Variants in SPAG16 observed in about 807,000 individuals in gnomAD.
The protein encoded by SPAG16 is sperm associated antigen 16.
A neutral mutation model predicts 80.4 loss-of-function variants in SPAG16; 86 were observed. That is an observed-to-expected ratio of 1.07 (90% confidence interval 0.90 to 1.28). The LOEUF is 1.28. Ranked by LOEUF, SPAG16 falls within the 50% of genes most tolerant of loss-of-function variation. The pLI is 0.00. For missense variants in SPAG16, 870 were observed against 765.3 expected (o/e 1.14, Z -1.61); for synonymous variants, 294 against 265.9 (o/e 1.11, Z -1.03).
At chr2:213,749,812 G>A (rs1367324869) in intron 10 of SPAG16, among the ~76,000 whole-genome samples, 1 of 151,992 alleles carries the variant, frequency 6.6e-6, no homozygotes, top group African/African-American at 2.4e-5. Flanking sequence ...TAAAGACTGA[G>A]TTTTCTCTTG....
At chr2:214,338,907 C>T (rs1167547134) in intron 15 of SPAG16, among the ~76,000 whole-genome samples, 1 of 152,120 alleles carries the variant, frequency 6.6e-6, no homozygotes, top group African/African-American at 2.4e-5. Flanking sequence ...GTTACATCAG[C>T]TATGTATTTT....
At chr2:213,688,750 A>G (rs1293947714) in intron 10 of SPAG16, among the ~76,000 whole-genome samples, 1 of 151,616 alleles carries the variant, frequency 6.6e-6, no homozygotes, top group Non-Finnish European at 1.5e-5. Context: ...TTTTTTTTTC[A>G]GTTTGTATTG....
intron 13 of SPAG16, among the ~76,000 whole-genome samples, chr2:214,094,911 A>G (rs1173329242): frequency 6.6e-6 from 1 of 152,012 alleles, no homozygotes; most frequent in Non-Finnish European, 1.5e-5. Context: ...CTAGTTAGGT[A>G]GCCGGTTTCT....
At chr2:213,733,903 C>A (rs998388437) in intron 10 of SPAG16, among the ~76,000 whole-genome samples, 8 of 152,112 alleles carry the variant, frequency 5.3e-5, no homozygotes, top group Non-Finnish European at 2.9e-5. Flanking sequence ...GAGTTAAAAC[C>A]AGAAGTCCTT....
chr2:213,917,793 T>C (rs2078037480), intron 11 of SPAG16, among the ~76,000 whole-genome samples: 1 of 152,154 alleles, frequency 6.6e-6, no homozygotes, highest in African/African-American at 2.4e-5. Context: ...TTGCTATGGC[T>C]GGAACTTTGA....
chr2:213,965,828 C>G (rs1326793263), intron 12 of SPAG16, among the ~76,000 whole-genome samples: 1 of 152,220 alleles, frequency 6.6e-6, no homozygotes, highest in Non-Finnish European at 1.5e-5. Context: ...GTCTGCACTA[C>G]TTCTCCGAAG....
At chr2:213,300,426 T>A (rs2062694231) in intron 3 of SPAG16, among the ~76,000 whole-genome samples, 2 of 152,208 alleles carry the variant, frequency 1.3e-5, no homozygotes, top group South Asian at 4.1e-4. Flanking sequence ...TTGTGGGAGA[T>A]CTTTTGGGGT....
intron 10 of SPAG16, among the ~76,000 whole-genome samples, chr2:213,645,954 G>A (rs904159582): frequency 4.6e-5 from 7 of 152,214 alleles, no homozygotes; most frequent in African/African-American, 1.4e-4. Flanking sequence ...TTCTCCTCAG[G>A]CTGGGGCTGG....
intron 15 of SPAG16, among the ~76,000 whole-genome samples, chr2:214,282,645 T>C (rs1693040831): frequency 6.6e-6 from 1 of 152,182 alleles, no homozygotes; most frequent in African/African-American, 2.4e-5. Context: ...TGATTAATTT[T>C]TTTCTACAAT....
At chr2:213,686,200 C>T (rs2064661758) in intron 10 of SPAG16, among the ~76,000 whole-genome samples, 1 of 152,172 alleles carries the variant, frequency 6.6e-6, no homozygotes. Flanking sequence ...CTCACTTCAA[C>T]CTCTGCCTCC....
chr2:213,794,279 G>A (rs1343620916), intron 10 of SPAG16, among the ~76,000 whole-genome samples: 3 of 149,854 alleles, frequency 2.0e-5, no homozygotes, highest in African/African-American at 7.6e-5. Flanking sequence ...AGTTTTTTCT[G>A]TATGAGTTTA....
chr2:213,797,000 T>C (rs1473675480), intron 10 of SPAG16, among the ~76,000 whole-genome samples: 1 of 151,812 alleles, frequency 6.6e-6, no homozygotes, highest in Non-Finnish European at 1.5e-5. Context: ...ACACGCTGTG[T>C]AGGCCTGAGC....
intron 13 of SPAG16, among the ~76,000 whole-genome samples, chr2:214,068,916 C>G (rs1559755646): frequency 6.6e-6 from 1 of 152,016 alleles, no homozygotes; most frequent in African/African-American, 2.4e-5. Flanking sequence ...AAGAATAATA[C>G]TTTATTCCCT....
At chr2:214,047,578 C>A (rs1018824793) in intron 13 of SPAG16, among the ~76,000 whole-genome samples, 4 of 152,148 alleles carry the variant, frequency 2.6e-5, no homozygotes. Flanking sequence ...AGACTTCGAA[C>A]AATGAAACTA....
At chr2:214,261,482 A>T (rs868839073) in intron 15 of SPAG16, among the ~76,000 whole-genome samples, 1 of 152,174 alleles carries the variant, frequency 6.6e-6, no homozygotes, top group African/African-American at 2.4e-5. Context: ...TTGCTTTCTG[A>T]AAGTGTGGAT....
chr2:213,948,537 G>T (rs1045991217), intron 12 of SPAG16, among the ~76,000 whole-genome samples: 1 of 152,142 alleles, frequency 6.6e-6, no homozygotes, highest in African/African-American at 2.4e-5. Flanking sequence ...TTTGCTGGTG[G>T]TTTAGGAATA....
chr2:213,919,709 CATT>C (rs1267380860), intron 11 of SPAG16, among the ~76,000 whole-genome samples: 1 of 152,066 alleles, frequency 6.6e-6, no homozygotes, highest in Non-Finnish European at 1.5e-5. Context: ...TTCTGTGTCT[CATT>C]ATGTGGTAGA....
chr2:214,191,713 C>CA (rs71037350), intron 15 of SPAG16, among the ~76,000 whole-genome samples: 150 of 68,368 alleles, frequency 2.2e-3, no homozygotes, highest in African/African-American at 9.8e-3. Context: ...GACTCTGTCT[C>CA]AAAAAAAAAA....
intron 10 of SPAG16, among the ~76,000 whole-genome samples, chr2:213,843,113 CTT>C (rs199599468): frequency 1.4e-5 from 2 of 145,086 alleles, no homozygotes; most frequent in Admixed American, 1.4e-4. Context: ...TTGTAGACAT[CTT>C]TTTTTTTTTT....
Sources: gnomAD v4.1 joint callset for allele counts (sites outside exome capture counted in the v4.1 genomes callset) on GRCh38, gnomAD v4.1.1 for gene constraint, MANE v1.5 for transcripts, NCBI Gene and HGNC (gene_info 2026-07-23, HGNC 2026-07-21) for gene names.